Variants in PLA2G5 observed in about 807,000 individuals in gnomAD.
PLA2G5 encodes the protein phospholipase A2 group V, also known as Ca2+-dependent phospholipase A2.
Under a neutral mutation model 15.9 loss-of-function variants are expected in PLA2G5, and 12 were observed. The ratio of observed to expected loss-of-function variants is 0.76; its 90% CI spans 0.48 to 1.23. The LOEUF is 1.23. Ranked by LOEUF, PLA2G5 falls within the 50% of genes most tolerant of loss-of-function variation. The pLI, the probability that PLA2G5 is intolerant of heterozygous loss-of-function variation, is 0.00. For missense variants in PLA2G5, 169 were observed against 177.1 expected, an observed-to-expected ratio of 0.95 and a Z score of 0.26; for synonymous variants, 71 against 71.4, an observed-to-expected ratio of 0.99 and a Z score of 0.03.
chr1:20,083,247 A>G (rs1001196561), intron 1 of PLA2G5, among the ~76,000 whole-genome samples: 2 of 151,958 alleles, frequency 1.3e-5, no homozygotes, highest in African/African-American at 4.9e-5. Context: ...GGGTTGTCCC[A>G]GAGGCCAGCT....
chr1:20,033,954 T>G (rs1016399745), intron 1 of PLA2G5, among the ~76,000 whole-genome samples: 66 of 152,010 alleles, frequency 4.3e-4, no homozygotes, highest in African/African-American at 1.6e-3. Context: ...AGGAAGCCCT[T>G]CTTTATGAAG....
upstream of PLA2G5, among the ~76,000 whole-genome samples, chr1:20,068,703 G>A (rs528415968): frequency 3.3e-5 from 5 of 152,066 alleles, no homozygotes; most frequent in East Asian, 7.7e-4. Flanking sequence ...CGCCCACCTC[G>A]GCCTCCCAAA....
chr1:20,031,070 G>C (rs983394730), intron 1 of PLA2G5, among the ~76,000 whole-genome samples: 11 of 152,188 alleles, frequency 7.2e-5, no homozygotes, highest in Non-Finnish European at 1.0e-4. Context: ...GGAGATGAAG[G>C]CTGTTTGGTT....
intron 1 of PLA2G5, among the ~76,000 whole-genome samples, chr1:20,045,680 A>G (rs1477388462): frequency 1.3e-5 from 2 of 152,174 alleles, no homozygotes; most frequent in African/African-American, 4.8e-5. Flanking sequence ...GGTTGGTCTG[A>G]GGACCCAAGG....
chr1:20,039,695 AT>A (rs1180506577), intron 1 of PLA2G5, among the ~76,000 whole-genome samples: 2 of 152,080 alleles, frequency 1.3e-5, no homozygotes, highest in Non-Finnish European at 2.9e-5. Context: ...GAGAGAAGCC[AT>A]TTTTTGTGTG....
chr1:20,053,982 G>A (rs2014309910), intron 1 of PLA2G5, among the ~76,000 whole-genome samples: 1 of 152,174 alleles, frequency 6.6e-6, no homozygotes, highest in African/African-American at 2.4e-5. Flanking sequence ...AACAAAACAA[G>A]CAGCTTAGAA....
chr1:20,050,164 A>G (rs751571520), intron 1 of PLA2G5, among the ~76,000 whole-genome samples: 11 of 152,196 alleles, frequency 7.2e-5, no homozygotes, highest in Non-Finnish European at 1.2e-4. Flanking sequence ...ATATTCATGT[A>G]TCTTTCTGTA....
At chr1:20,069,692 A>AAAGG (rs2015242361), upstream of PLA2G5, among the ~76,000 whole-genome samples, 1 of 68,490 alleles carries the variant, frequency 1.5e-5, no homozygotes, top group South Asian at 5.1e-4. Context: ...AGAAAGAAAG[A>AAAGG]AAGAAAGAAA....
At chr1:20,062,108 C>T (rs1470690602) in intron 2 of PLA2G5, among the ~76,000 whole-genome samples, 1 of 152,184 alleles carries the variant, frequency 6.6e-6, no homozygotes, top group African/African-American at 2.4e-5. Context: ...TTCCTGAGGC[C>T]TCCCTAGAAG....
chr1:20,044,807 G>T (rs1307815425), intron 1 of PLA2G5, among the ~76,000 whole-genome samples: 1 of 152,096 alleles, frequency 6.6e-6, no homozygotes, highest in African/African-American at 2.4e-5. Context: ...TGCGATCTGA[G>T]GTGGAGCAGT....
Position 20,091,517 on chromosome 1 carries a change from CTT to C in PLA2G5, c.*827_*828del, listed in dbSNP as rs1557760517. On this transcript the variant is annotated 3_prime_UTR_variant, in exon 5 of 5. Transcript: ENST00000375108. ...ACTGAACCTCTTTGACTTTCAGTCT[CTT>C]TGAGAAATAAACTGTCTTGTTCCTT... Among the ~76,000 whole-genome samples, 1 of 152,094 alleles carries C rather than the reference CTT, an allele frequency of 6.6e-6. No individual in the cohort carries two copies. The highest frequency in any genetic ancestry group is 1.5e-5 in the Non-Finnish European group (1 of 68,020).
rs2016557432 is a variant in PLA2G5, at chr1:20,091,509, T to C, written c.*817T>C. On this transcript the variant is annotated 3_prime_UTR_variant, in exon 5 of 5. Coordinates refer to ENST00000375108, the MANE Select transcript of PLA2G5 (RefSeq NM_000929.3). The stretch of plus-strand genomic sequence containing the variant: ...GACCCGTTACTGAACCTCTTTGACT[T>C]TCAGTCTCTTTGAGAAATAAACTGT... Among the ~76,000 whole-genome samples, 1 of 152,184 alleles carries C rather than the reference T, an allele frequency of 6.6e-6. No homozygotes were observed. Among genetic ancestry groups the C allele is most frequent in the Non-Finnish European group, 1.5e-5 (1 of 68,032 alleles).
At position 20,090,881 on chromosome 1, in the gene PLA2G5, G is replaced by T; in HGVS notation, c.*189G>T. On this transcript the variant is annotated 3_prime_UTR_variant, in exon 5 of 5. Coordinates refer to ENST00000375108, the MANE Select transcript of PLA2G5 (RefSeq NM_000929.3). ...CCCAGGAGAGTGACTCTGGTCATAG[G>T]ACTTGGTAGGGTCCCAGGGTCCCTA... 1.7e-6 allele frequency: 1 copy of T among 591,058 alleles called. No homozygotes were observed. Among genetic ancestry groups the T allele is most frequent in the Non-Finnish European group, 3.0e-6 (1 of 337,256 alleles). 36.6% of individuals were successfully genotyped at this position (591,058 alleles called of 1,614,324 possible).
At chr1:20,036,650 T>G (rs2013261959) in intron 1 of PLA2G5, among the ~76,000 whole-genome samples, 1 of 152,116 alleles carries the variant, frequency 6.6e-6, no homozygotes, top group Admixed American at 6.6e-5. Context: ...CCATATCCTG[T>G]ATTATTTTTT....
Position 20,089,787 on chromosome 1 carries a change from A to T in PLA2G5, c.186-2A>T. 1.2e-6 allele frequency: 2 copies of T among 1,612,992 alleles called. No individual in the cohort carries two copies. Among genetic ancestry groups the T allele is most frequent in the Non-Finnish European group, 1.7e-6 (2 of 1,178,978 alleles). ...CGGGATCTAAGTCTCTTGCACGGAC[A>T]GGTGCTGTTGGGCGCATGACCACTG... is the stretch of plus-strand genomic sequence containing the variant. On this transcript the variant is annotated splice_acceptor_variant, in intron 3 of 4. Transcript: ENST00000375108. LOFTEE classifies it high-confidence loss of function.
intron 1 of PLA2G5, among the ~76,000 whole-genome samples, chr1:20,054,005 G>T (rs893896601): frequency 1.3e-5 from 2 of 152,138 alleles, no homozygotes; most frequent in African/African-American, 2.4e-5. Flanking sequence ...ACTTAGATTT[G>T]TTATCTCACA....
chr1:20,070,961 G>A (rs1284826030), intron 1 of PLA2G5: 2 of 152,176 alleles, frequency 1.3e-5, no homozygotes, highest in Non-Finnish European at 2.9e-5. Context: ...TGCCCTTATA[G>A]GGAGATCTTT....
chr1:20,079,629 G>A (rs1444240457), intron 1 of PLA2G5, among the ~76,000 whole-genome samples: 1 of 152,126 alleles, frequency 6.6e-6, no homozygotes, highest in South Asian at 2.1e-4. Flanking sequence ...TCCCACCTGA[G>A]CCTCCCAGGG....
At chr1:20,076,459 C>T (rs1331817304) in intron 1 of PLA2G5, among the ~76,000 whole-genome samples, 1 of 152,192 alleles carries the variant, frequency 6.6e-6, no homozygotes, top group Non-Finnish European at 1.5e-5. Flanking sequence ...ATCATTATGT[C>T]CTTACTGGGT....
Sources: gnomAD v4.1 joint callset for allele counts (sites outside exome capture counted in the v4.1 genomes callset) on GRCh38, gnomAD v4.1.1 for gene constraint, MANE v1.5 for transcripts, NCBI Gene and HGNC (gene_info 2026-07-23, HGNC 2026-07-21) for gene names.